SLC45A1: variants seen among roughly 807,000 people sequenced by gnomAD.
SLC45A1 encodes proton-associated sugar transporter A.
In SLC45A1, 28 loss-of-function variants were observed where a neutral mutation model predicts 57.6. The observed-to-expected ratio is 0.49, with a 90% CI of 0.36 to 0.67. The LOEUF (loss-of-function observed/expected upper bound fraction) is 0.67, where lower values mean the gene tolerates loss of function less well. SLC45A1 is among the 30% of genes least tolerant of loss of function. The pLI is 0.00. For synonymous variants in SLC45A1, 459 were observed against 471.5 expected, an observed-to-expected ratio of 0.97 and a Z score of 0.34; for missense variants, 814 against 1,041.5, an observed-to-expected ratio of 0.78 and a Z score of 3.01.
chr1:8,340,488 G>A (rs928852073), intron 8 of SLC45A1, among the ~76,000 whole-genome samples: 1 of 152,180 alleles, frequency 6.6e-6, no homozygotes, highest in Non-Finnish European at 1.5e-5. Context: ...GAGAGGATCA[G>A]TTCACCATGT....
intron 1 of SLC45A1, among the ~76,000 whole-genome samples, chr1:8,320,679 T>TTC (rs149363528): frequency 3.3e-5 from 3 of 92,082 alleles, no homozygotes; most frequent in African/African-American, 1.3e-4. Context: ...CTCTCTCTGT[T>TTC]TCTCTCTCTC....
At chr1:8,322,308 A>G (rs61785828) in intron 1 of SLC45A1, among the ~76,000 whole-genome samples, 20 of 28 alleles carry the variant, frequency 0.71, 9 homozygotes, top group Non-Finnish European at 0.86. Flanking sequence ...GGATGGATGG[A>G]TGGATGGATG....
rs184771424 is a variant in SLC45A1 at position 8,332,034 on chromosome 1, C to T, written c.1443+1098C>T. Among the ~76,000 whole-genome samples, 358 of 152,292 alleles carry T rather than the reference C, an allele frequency of 2.4e-3. 4 individuals carry two copies. Among genetic ancestry groups the T allele is most frequent in the African/African-American group, 8.1e-3 (338 of 41,558 alleles). On this transcript the variant is annotated intron_variant, in intron 5 of 8. Transcript: ENST00000471889. ...GTTTCGATCTCCTGACCTCGTGATCCGCCTGCCTCTGCCTCCCAAAGTGCT... is the reference window on the plus strand; with the variant it reads ...GTTTCGATCTCCTGACCTCGTGATCTGCCTGCCTCTGCCTCCCAAAGTGCT...
At chr1:8,331,029 G>A (rs1640390939) in intron 5 of SLC45A1, 93 bp downstream of exon 5, 1 of 1,456,672 alleles carries the variant, frequency 6.9e-7, no homozygotes, top group Non-Finnish European at 9.1e-7. Context: ...GTCCCTCCAG[G>A]AAGAAATTCC....
Position 8,325,745 on chromosome 1 carries a change from A to T in SLC45A1, c.491-73A>T, listed in dbSNP as rs886858925. On this transcript the variant is annotated intron_variant, in intron 3 of 8. Transcript: ENST00000471889. The surrounding 1 kb of genome is among the most constrained non-coding windows in gnomAD (Gnocchi z 6.3). ...AATTCTTGAGTCCTAAAGATTCTAG[A>T]CATAAGTCGTGAGCTGCCGGGGACA... 1.8e-5 allele frequency: 25 copies of T among 1,378,302 alleles called. No homozygotes were observed. In the African/African-American group the frequency reaches 2.9e-4, roughly 16 times the overall value. The allele number at this position is 1,378,302 out of a possible 1,614,324, so 85.4% of individuals were successfully genotyped here.
chr1:8,330,219 A>C lies in SLC45A1; in HGVS notation c.726A>C (p.Gly242=), dbSNP rs144740978. ...TGTCTCTTTCCCCAGGTCTCGGAGG[A>C]GGCTTTGGATACGTGGTCGGCGGAA... ...NIHALLAGLG[G]GFGYVVGGIH... The change falls in exon 5 of 9, where the codon GGA becomes GGC. Residue 242 remains glycine, a synonymous_variant. Coordinates refer to ENST00000471889, the MANE Select transcript of SLC45A1 (RefSeq NM_001080397.3). This position sits in a 1 kb window ranked among gnomAD's most constrained non-coding sequence, Gnocchi z 8.4. The C allele has an allele frequency of 5.5e-4, 882 of 1,612,528 alleles. 2 individuals carry two copies. The highest frequency in any genetic ancestry group is 9.9e-4 in the Middle Eastern group (6 of 6,046).
intron 7 of SLC45A1, 44 bp downstream of exon 7, chr1:8,338,036 T>A (rs1640678945): frequency 6.3e-7 from 1 of 1,590,966 alleles, no homozygotes; most frequent in African/African-American, 1.3e-5. Context: ...AGAGCTTTGG[T>A]TGGGTCCATG....
intron 1 of SLC45A1, among the ~76,000 whole-genome samples, chr1:8,319,012 G>A (rs1263932283): frequency 6.6e-6 from 1 of 152,226 alleles, no homozygotes; most frequent in Non-Finnish European, 1.5e-5. Flanking sequence ...CGGGCGCGGT[G>A]GCTCATGCCT....
Position 8,335,498 on chromosome 1 carries a change from G to A in SLC45A1, c.1505G>A (p.Arg502His), listed in dbSNP as rs767666148. 45 of 1,602,646 alleles carry A rather than the reference G, an allele frequency of 2.8e-5. 1 individual carries two copies. Among genetic ancestry groups the A allele is most frequent in the Admixed American group, 1.2e-4 (7 of 59,892 alleles). The change falls in exon 6 of 9, where the codon CGC becomes CAC. Residue 502 changes from arginine to histidine, a missense_variant. Physicochemically the swap from Arg to His is conservative, Grantham distance 29. Coordinates refer to ENST00000471889, the MANE Select transcript of SLC45A1 (RefSeq NM_001080397.3). The surrounding 1 kb of genome is among the most constrained non-coding windows in gnomAD (Gnocchi z 4.1). ...AGCGAGCTGACGGGCTCCAGCGAGC[G>A]CGCGGAGCAGCCTCTGTCCGTGGGG... Reference protein sequence around the residue: ...YESELTGSSERAEQPLSVGRL... With the variant: ...YESELTGSSEHAEQPLSVGRL...
Position 8,339,667 on chromosome 1 carries a change from C to G in SLC45A1, c.1949C>G (p.Ser650Trp), listed in dbSNP as rs764155450. 6.2e-7 allele frequency: 1 copy of G among 1,614,218 alleles called. No homozygotes were observed. The highest frequency in any genetic ancestry group is 8.5e-7 in the Non-Finnish European group (1 of 1,180,024). The change falls in exon 8 of 9, where the codon TCG becomes TGG. Residue 650 changes from serine (S) to tryptophan (W), a missense_variant. Physicochemically the swap from Ser to Trp is radical, Grantham distance 177. Transcript: ENST00000471889. Reference sequence around the variant, plus strand: ...TCCACCCTGTGCACCTTGCCTTACTCGCTGCTCTGCGATTACTATCAGAGT... The same window carrying G: ...TCCACCCTGTGCACCTTGCCTTACTGGCTGCTCTGCGATTACTATCAGAGT... ...LFSTLCTLPY[S>W]LLCDYYQSKK...
In SLC45A1 at chr1:8,326,118, C is replaced by G. The variant is rs1353170265; in HGVS notation, c.715+76C>G. 2.5e-5 allele frequency: 28 copies of G among 1,128,100 alleles called. No homozygotes were observed. Among genetic ancestry groups the G allele is most frequent in the Non-Finnish European group, 3.6e-5 (28 of 774,166 alleles). The allele number at this position is 1,128,100 out of a possible 1,614,324, so 69.9% of individuals were successfully genotyped here. A position where few individuals can be genotyped will look rare whatever the true frequency, so the allele number is the denominator to read the frequency against. On this transcript the variant is annotated intron_variant, in intron 4 of 8. Coordinates refer to ENST00000471889, the MANE Select transcript of SLC45A1 (RefSeq NM_001080397.3). This position sits in a 1 kb window ranked among gnomAD's most constrained non-coding sequence, Gnocchi z 5.5. ...AGACGTGTGGCTTTCGAGGCCCTTC[C>G]TCACTCCCTGATTTAACAAAGAAGC...
At chr1:8,324,810 G>C (rs1569933328) in intron 2 of SLC45A1, 84 bp downstream of exon 2, 1 of 1,300,150 alleles carries the variant, frequency 7.7e-7, no homozygotes, top group Non-Finnish European at 1.0e-6. Context: ...GTCCTGAGGG[G>C]AGAAGGGAGG....
In SLC45A1 at chr1:8,330,893, G is replaced by A. The variant is rs1235532293; in HGVS notation, c.1400G>A (p.Gly467Asp). Residue 467 changes from glycine to aspartate, a missense_variant, in exon 5 of 9, where the codon GGT (glycine) becomes GAT (aspartate). Coordinates refer to ENST00000471889, the MANE Select transcript of SLC45A1 (RefSeq NM_001080397.3). This position sits in a 1 kb window ranked among gnomAD's most constrained non-coding sequence, Gnocchi z 8.4. ...ATCCCGGACGCAGCCGGAGGAGGGG[G>A]TCCCGAAACCAGCAGGAGAAGGAAT... Reference protein sequence around the residue: ...LAIPDAAGGGGPETSRRRNVT... With the variant: ...LAIPDAAGGGDPETSRRRNVT... 1 of 1,602,248 alleles carries A rather than the reference G, an allele frequency of 6.2e-7. No homozygotes were observed. The highest frequency in any genetic ancestry group is 1.3e-5 in the African/African-American group (1 of 74,716).
At chr1:8,342,534 T>C (rs72636904) in intron 8 of SLC45A1, among the ~76,000 whole-genome samples, 2,972 of 152,264 alleles carry the variant, frequency 0.02, 40 homozygotes, top group South Asian at 0.037. Flanking sequence ...GTCTGCGGCC[T>C]CTCGTGTCTG....
At position 8,326,815 on chromosome 1, in the gene SLC45A1, C is replaced by T. The variant is rs1020343102; in HGVS notation, c.715+773C>T. ...CCAACATGGAGAAACGACATCTCTA[C>T]TAAAAATACAAAAAATTAGCTGGGC... On this transcript the variant is annotated intron_variant, in intron 4 of 8. Transcript: ENST00000471889. The surrounding 1 kb of genome is among the most constrained non-coding windows in gnomAD (Gnocchi z 5.5). Among the ~76,000 whole-genome samples, 1 of 152,076 alleles carries T rather than the reference C, an allele frequency of 6.6e-6. No individual in the cohort carries two copies. Among genetic ancestry groups the T allele is most frequent in the African/African-American group, 2.4e-5 (1 of 41,410 alleles).
rs1640362676 is a variant in SLC45A1 at position 8,330,506 on chromosome 1, T to C, written c.1013T>C (p.Ile338Thr). The C allele has an allele frequency of 1.2e-6, 2 of 1,612,848 alleles. No homozygotes were observed. Among genetic ancestry groups the C allele is most frequent in the Non-Finnish European group, 1.7e-6 (2 of 1,179,924 alleles). ...SHTATNFSSP[I>T]SPPSPLTPKY... Reference sequence around the variant, plus strand: ...ACGGCCACCAACTTCTCCAGCCCCATCTCGCCGCCCAGCCCCCTCACGCCC... The same window carrying C: ...ACGGCCACCAACTTCTCCAGCCCCACCTCGCCGCCCAGCCCCCTCACGCCC... The change falls in exon 5 of 9, where the codon ATC becomes ACC. Residue 338 changes from isoleucine to threonine, a missense_variant. Transcript: ENST00000471889. The surrounding 1 kb of genome is among the most constrained non-coding windows in gnomAD (Gnocchi z 8.4).
At chr1:8,342,023 C>T (rs1204160619) in intron 8 of SLC45A1, among the ~76,000 whole-genome samples, 1 of 152,112 alleles carries the variant, frequency 6.6e-6, no homozygotes, top group Non-Finnish European at 1.5e-5. Context: ...CTGGCTAACA[C>T]AGTGAAGCCC....
chr1:8,323,490 CAAAAAA>C (rs34956825), intron 1 of SLC45A1, among the ~76,000 whole-genome samples: 3 of 127,544 alleles, frequency 2.4e-5, no homozygotes, highest in African/African-American at 1.0e-4. Context: ...GACTCTGTCT[CAAAAAA>C]AAAAAAAAAA....
At position 8,324,524 on chromosome 1, in the gene SLC45A1, C is replaced by T. The variant is rs1184244642; in HGVS notation, c.195C>T (p.Asn65=). The T allele has an allele frequency of 3.1e-6, 5 of 1,598,638 alleles. No individual in the cohort carries two copies. The highest frequency in any genetic ancestry group is 2.7e-5 in the African/African-American group (2 of 73,958). ...GTCCCTCCCCACCCCCGCCCCCCAA[C>T]ACCCCGTGCCCGCTTGAGCTGGTGG... The part of the protein sequence containing the change: ...CIRPSPPPPP[N]TPCPLELVDF... Residue 65 remains asparagine (N), a synonymous_variant, in exon 2 of 9, where the codon AAC becomes AAT. Transcript: ENST00000471889.
Sources: gnomAD v4.1 joint callset for allele counts (sites outside exome capture counted in the v4.1 genomes callset) on GRCh38, gnomAD v4.1.1 for gene constraint, Gnocchi (gnomAD v3.1) non-coding constraint, MANE v1.5 for transcripts, NCBI Gene and HGNC (gene_info 2026-07-23, HGNC 2026-07-21) for gene names.